Variants in LUC7L observed in about 807,000 individuals in gnomAD.
LUC7L encodes the protein putative RNA-binding protein Luc7-like 1.
A neutral mutation model predicts 51.1 loss-of-function variants in LUC7L; 29 were observed. That is an observed-to-expected ratio of 0.57 (90% CI 0.42 to 0.77). The LOEUF is 0.77. Among genes scored for constraint, LUC7L ranks in the 30% least tolerant of loss-of-function variants. The pLI is 0.00. For synonymous variants in LUC7L, 181 were observed against 180.7 expected (o/e 1.00, Z -0.01); for missense variants, 403 against 511.9 (o/e 0.79, Z 2.05).
chr16:205,901 A>G, intron 5 of LUC7L, 103 bp downstream of exon 5: 1 of 1,412,638 alleles, frequency 7.1e-7, no homozygotes, highest in South Asian at 1.4e-5. Flanking sequence ...AAATGTATAA[A>G]TTTTTTAAAA....
chr16:226,834 A>C (rs1030156756), intron 2 of LUC7L, among the ~76,000 whole-genome samples: 1 of 152,238 alleles, frequency 6.6e-6, no homozygotes, highest in African/African-American at 2.4e-5. Flanking sequence ...ACAACAGTGA[A>C]ATTTGTTCCA....
chr16:190,395 G>C (rs1414627749), intron 8 of LUC7L, 146 bp downstream of exon 8: 3 of 887,298 alleles, frequency 3.4e-6, no homozygotes, highest in Admixed American at 2.2e-5. Flanking sequence ...AACCCTCCAC[G>C]GCACCAAGCA....
chr16:201,242 T>TAAAAAAAA (rs764945208), intron 5 of LUC7L, among the ~76,000 whole-genome samples: 6 of 78,486 alleles, frequency 7.6e-5, no homozygotes, highest in Non-Finnish European at 9.1e-5. Flanking sequence ...GCTACATAAC[T>TAAAAAAAA]AAAAAAAAAA....
intron 1 of LUC7L, chr16:228,230 T>C (rs2050177886): frequency 1.5e-6 from 2 of 1,296,666 alleles, no homozygotes; most frequent in Non-Finnish European, 2.0e-6. Flanking sequence ...GTAGTGTCTT[T>C]TTATTGAAAA....
At chr16:192,822 C>T (rs914721291) in intron 7 of LUC7L, 105 bp downstream of exon 7, 19 of 973,266 alleles carry the variant, frequency 2.0e-5, no homozygotes, top group East Asian at 1.7e-4. Flanking sequence ...TCTTTTATAA[C>T]GGCCTATTGG....
rs1567181215 is a variant in LUC7L, at chr16:206,132, C to G, written c.382G>C (p.Glu128Gln). The G allele has an allele frequency of 1.2e-6, 2 of 1,612,834 alleles. No individual in the cohort carries two copies. Among genetic ancestry groups the G allele is most frequent in the Non-Finnish European group, 1.7e-6 (2 of 1,179,770 alleles). The change falls in exon 5 of 10, where the codon GAG becomes CAG. Residue 128 changes from glutamate to glutamine, a missense_variant. Glu to Gln is a conservative substitution (Grantham distance 29). This residue lies in a region of LUC7L where 182 missense variants were observed against 248.4 expected (regional missense o/e 0.73). Transcript: ENST00000293872. ...AGTTTTCCTATTTCTTCATTTAACT[C>G]ATGTACTTTTTCTGCCTGTGAGGAG... ...EVSAKAEKVH[E>Q]LNEEIGKLLA...
chr16:195,258 T>TA (rs111805027), intron 6 of LUC7L, among the ~76,000 whole-genome samples: 59 of 142,464 alleles, frequency 4.1e-4, no homozygotes, highest in East Asian at 8.2e-4. Flanking sequence ...ACCTCCTACC[T>TA]AAAAAAAAAA....
At chr16:198,987 A>G (rs1175909131) in intron 6 of LUC7L, 75 bp downstream of exon 6, 2 of 1,439,724 alleles carry the variant, frequency 1.4e-6, no homozygotes, top group East Asian at 4.8e-5. Flanking sequence ...GCCAAAACAT[A>G]AGGTTTTTAA....
rs772242067 is a variant in LUC7L, at chr16:190,141, C to T, written c.807-6G>A. 3.3e-5 allele frequency: 53 copies of T among 1,608,000 alleles called. 1 individual carries two copies. The South Asian group carries it at 5.1e-4, about 15-fold the overall frequency. ...GCCGATCCCGGGAGCGTGACCTGAACAATCAGAAGGCTCCAAGGCTGAGAC... is the reference window on the plus strand; with the variant it reads ...GCCGATCCCGGGAGCGTGACCTGAATAATCAGAAGGCTCCAAGGCTGAGAC... On this transcript the variant is annotated splice_polypyrimidine_tract_variant and splice_region_variant and intron_variant, in intron 8 of 9. Coordinates refer to ENST00000293872, the MANE Select transcript of LUC7L (RefSeq NM_201412.3).
rs2048987538 is a variant in LUC7L, at chr16:190,643, G to C, written c.777-73C>G. On this transcript the variant is annotated intron_variant, in intron 7 of 9. Transcript: ENST00000293872. ...ACCTGTAATCCCAGCACTTCGGGGA[G>C]GCCTAGGCAGGCAATCACCTGAGGT... 2.9e-6 allele frequency: 4 copies of C among 1,359,066 alleles called. No individual in the cohort carries two copies. In the African/African-American group the frequency reaches 5.8e-5, roughly 20 times the overall value. The allele number at this position is 1,359,066 out of a possible 1,614,324, so 84.2% of individuals were successfully genotyped here.
At chr16:228,639 A>C (rs1349945492) in intron 1 of LUC7L, 11 of 1,182,680 alleles carry the variant, frequency 9.3e-6, no homozygotes, top group Non-Finnish European at 1.1e-5. Flanking sequence ...GCAAAGATGC[A>C]ACCGCTTTCT....
At position 208,197 on chromosome 16, in the gene LUC7L, G is replaced by A. The variant is rs2049539303; in HGVS notation, c.256-9C>T. 3.2e-6 allele frequency: 5 copies of A among 1,584,450 alleles called. No homozygotes were observed. The highest frequency in any genetic ancestry group is 4.3e-6 in the Non-Finnish European group (5 of 1,153,758). On this transcript the variant is annotated splice_polypyrimidine_tract_variant and intron_variant, in intron 3 of 9. Transcript: ENST00000293872. ...TCCAAGTGATCCATTGCCTAGCACG[G>A]GAAAAGCACAGCGCTATAATCAATG...
intron 2 of LUC7L, among the ~76,000 whole-genome samples, chr16:225,600 C>A (rs1431575628): frequency 1.3e-5 from 2 of 149,094 alleles, no homozygotes; most frequent in African/African-American, 4.9e-5. Flanking sequence ...GACTCTCCTG[C>A]CTCAGTCTCC....
chr16:229,353 GGCGACGGGGTCGGCC>G lies in LUC7L; in HGVS notation c.-29_-15del, dbSNP rs2142133596. ...CTGGGCGGACATGGTAGCCGGCGGAGGCGACGGGGTCGGCCGCGACGACTTCTCTCAGGCAGGCGG... is the reference window on the plus strand; with the variant it reads ...CTGGGCGGACATGGTAGCCGGCGGAGGCGACGACTTCTCTCAGGCAGGCGG... On this transcript the variant is annotated 5_prime_UTR_variant, in exon 1 of 10. Transcript: ENST00000293872. 2 of 1,496,904 alleles carry G rather than the reference GGCGACGGGGTCGGCC, an allele frequency of 1.3e-6. No homozygotes were observed. The highest frequency in any genetic ancestry group is 2.5e-5 in the South Asian group (2 of 80,366). 92.7% of individuals were successfully genotyped at this position (1,496,904 alleles called of 1,614,324 possible). A position where few individuals can be genotyped will look rare whatever the true frequency, so the allele number is the denominator to read the frequency against.
intron 5 of LUC7L, among the ~76,000 whole-genome samples, chr16:202,290 C>T (rs1362588859): frequency 6.6e-6 from 1 of 152,058 alleles, no homozygotes; most frequent in African/African-American, 2.4e-5. Context: ...AAACAATCAG[C>T]TCTGAGGTGA....
At chr16:201,234 T>A (rs1596619391) in intron 5 of LUC7L, among the ~76,000 whole-genome samples, 1 of 83,032 alleles carries the variant, frequency 1.2e-5, no homozygotes, top group Non-Finnish European at 2.2e-5. Flanking sequence ...TATAGTATGC[T>A]ACATAACTAA....
rs533513004 is a variant in LUC7L, at chr16:220,529, C to G, written c.255+120G>C. ...GTATTCTAGCTCTGAGCTTGAGTGG[C>G]AGGATAACAAGCAACTACCTTATTA... On this transcript the variant is annotated intron_variant, in intron 3 of 9. Transcript: ENST00000293872. 272 of 736,462 alleles carry G rather than the reference C, an allele frequency of 3.7e-4. No homozygotes were observed. In the South Asian group the frequency reaches 4.1e-3, roughly 11 times the overall value. The allele number at this position is 736,462 out of a possible 1,614,324, so 45.6% of individuals were successfully genotyped here.
At chr16:227,426 C>A in intron 1 of LUC7L, 90 bp from the exon 2 acceptor site, 1 of 1,519,804 alleles carries the variant, frequency 6.6e-7, no homozygotes, top group Non-Finnish European at 8.9e-7. Flanking sequence ...GGATGATTTG[C>A]AGACTATCAT....
chr16:207,933 C>T (rs1245589562), intron 4 of LUC7L, 145 bp downstream of exon 4: 10 of 522,360 alleles, frequency 1.9e-5, no homozygotes, highest in East Asian at 7.5e-5. Flanking sequence ...GGCATGAACC[C>T]GGGAGGCGGA....
Sources: allele counts gnomAD v4.1 joint callset (sites outside exome capture counted in the v4.1 genomes callset), GRCh38; gene constraint gnomAD v4.1.1; regional missense constraint gnomAD v4.1.1; transcripts MANE v1.5; gene names NCBI Gene and HGNC (gene_info 2026-07-23, HGNC 2026-07-21).